The following NPC1 variants were observed in gnomAD, a reference collection of about 807,000 sequenced individuals.
The protein encoded by NPC1 is Niemann-Pick C1 protein.
In NPC1, 85 loss-of-function variants were observed where a neutral mutation model predicts 140.4. The ratio of observed to expected loss-of-function variants is 0.61; its 90% CI spans 0.51 to 0.72. NPC1 has a LOEUF of 0.72. Ranked by LOEUF, NPC1 falls within the 30% of genes least tolerant of loss-of-function variation. The pLI is 0.00. For missense variants in NPC1, 1,504 were observed against 1,623.8 expected (o/e 0.93, Z 1.27); for synonymous variants, 656 against 624.8 (o/e 1.05, Z -0.74).
chr18:23,516,099 G>GT, intron 3 of NPC1: 3 of 1,534,202 alleles, frequency 2.0e-6, no homozygotes, highest in Non-Finnish European at 2.7e-6. Context: ...TCCTCTAGCC[G>GT]TAACGTCACC....
intron 20 of NPC1, among the ~76,000 whole-genome samples, chr18:23,537,281 T>C (rs2058646397): frequency 6.6e-6 from 1 of 152,188 alleles, no homozygotes; most frequent in African/African-American, 2.4e-5. Context: ...CATGTTGGCC[T>C]GGCTAGTCTT....
intron 3 of NPC1, among the ~76,000 whole-genome samples, chr18:23,514,845 C>T (rs755294273): frequency 6.6e-6 from 1 of 152,164 alleles, no homozygotes; most frequent in African/African-American, 2.4e-5. Context: ...AAGCTTACGG[C>T]TCCTGCCCCT....
chr18:23,544,648 C>T, intron 12 of NPC1, 122 bp from the exon 13 acceptor site: 1 of 935,654 alleles, frequency 1.1e-6, no homozygotes, highest in Non-Finnish European at 1.7e-6. Context: ...ATGTACAATT[C>T]TGTGTTTCAG....
At chr18:23,575,451 C>G (rs2059261455) in intron 1 of NPC1, among the ~76,000 whole-genome samples, 1 of 152,030 alleles carries the variant, frequency 6.6e-6, no homozygotes, top group Admixed American at 6.5e-5. Context: ...GGGATCACAC[C>G]TGGAGCAGGT....
In NPC1 at chr18:23,544,946, C is replaced by CG. The variant is rs1555634643; in HGVS notation, c.1947+13_1947+14insC. The CG allele has an allele frequency of 3.8e-5, 51 of 1,329,706 alleles. 4 individuals carry two copies. In the Admixed American group the frequency reaches 4.7e-4, roughly 12 times the overall value. The allele number at this position is 1,329,706 out of a possible 1,614,324, so 82.4% of individuals were successfully genotyped here. The stretch of plus-strand genomic sequence containing the variant: ...GTTAACCTCTAGAACATACACCACC[C>CG]CCCCCCGGCTTACCAGAAGCCTGCG... On this transcript the variant is annotated intron_variant, in intron 12 of 24. Transcript: ENST00000269228.
chr18:23,506,482 C>T (rs1014522882), exon 4 of NPC1: 1 of 152,950 alleles, frequency 6.5e-6, no homozygotes, highest in Non-Finnish European at 1.5e-5. Flanking sequence ...GCTTCATCCT[C>T]TCACAGTGCT....
At chr18:23,553,842 C>CT (rs145846487) in intron 9 of NPC1, among the ~76,000 whole-genome samples, 2,056 of 152,322 alleles carry the variant, frequency 0.013, 41 homozygotes, top group African/African-American at 0.047. Context: ...AGGGAAGCAG[C>CT]TGCAGGGCCC....
chr18:23,510,615 C>T (rs2057828083), intron 3 of NPC1, among the ~76,000 whole-genome samples: 2 of 152,040 alleles, frequency 1.3e-5, no homozygotes, highest in South Asian at 4.1e-4. Context: ...CCACTGCACT[C>T]CAGCCTGGGC....
At chr18:23,556,695 G>A (rs1238413016) in intron 7 of NPC1, 82 bp from the exon 8 acceptor site, 3 of 1,572,432 alleles carry the variant, frequency 1.9e-6, no homozygotes, top group Admixed American at 3.7e-5. Flanking sequence ...AGCATTAGTT[G>A]CTATCTCATG....
intron 4 of NPC1, among the ~76,000 whole-genome samples, chr18:23,564,005 T>TTTG (rs1555639697): frequency 4.7e-5 from 7 of 147,930 alleles, no homozygotes; most frequent in African/African-American, 1.8e-4. Context: ...TTTTTTTTTT[T>TTTG]GGAGATGGAG....
chr18:23,541,124 A>C lies in NPC1; in HGVS notation c.2458T>G (p.Phe820Val). 1 of 1,614,232 alleles carries C rather than the reference A, an allele frequency of 6.2e-7. No individual in the cohort carries two copies. The highest frequency in any genetic ancestry group is 1.1e-5 in the South Asian group (1 of 91,086). The part of the protein sequence containing the change: ...VQASESCLFR[F>V]FKNSYSPLLL... ...AGTGGAGAATAGGAGTTTTTGAAGA[A>C]GCGAAACAAACAGCTCTCTGAGGCC... The change falls in exon 16 of 25, where the codon TTC (phenylalanine) becomes GTC (valine). Residue 820 changes from phenylalanine (F) to valine (V), a missense_variant. Physicochemically the swap from Phe to Val is conservative, Grantham distance 50 (BLOSUM62 -1). Transcript: ENST00000269228.
chr18:23,557,669 G>A (rs2058974612), intron 6 of NPC1, among the ~76,000 whole-genome samples: 1 of 152,180 alleles, frequency 6.6e-6, no homozygotes, highest in African/African-American at 2.4e-5. Flanking sequence ...TTGAACCAGG[G>A]AGGCGGTGGT....
At chr18:23,510,846 G>T (rs1466909969) in intron 3 of NPC1, among the ~76,000 whole-genome samples, 2 of 152,236 alleles carry the variant, frequency 1.3e-5, no homozygotes, top group Non-Finnish European at 2.9e-5. Flanking sequence ...CAAGGTTGTG[G>T]AGAAAAGGGA....
At chr18:23,565,962 G>C (rs142287422) in intron 4 of NPC1, among the ~76,000 whole-genome samples, 1 of 151,784 alleles carries the variant, frequency 6.6e-6, no homozygotes, top group South Asian at 2.1e-4. Context: ...TAATTCCCTC[G>C]TATCTTCCAG....
intron 3 of NPC1, 56 bp downstream of exon 3, chr18:23,572,018 T>C: frequency 9.7e-7 from 1 of 1,030,726 alleles, no homozygotes; most frequent in Non-Finnish European, 1.5e-6. Context: ...AAGCTGAGCA[T>C]TACCAGTTCA....
intron 10 of NPC1, among the ~76,000 whole-genome samples, chr18:23,549,151 A>C: frequency 6.6e-6 from 1 of 152,188 alleles, no homozygotes; most frequent in East Asian, 1.9e-4. Context: ...ATTTTGATAA[A>C]TTCTCCCAAA....
In NPC1 at chr18:23,548,032, G is replaced by C. The variant is rs2058813455; in HGVS notation, c.1731C>G (p.Leu577=). The change falls in exon 11 of 25, where the codon CTC becomes CTG. Residue 577 remains leucine (L), a synonymous_variant. Transcript: ENST00000269228. ...CTTTTTCCCAGGCCTGGGCCCTCTG[G>C]AGCTTCTCTGTATCATTATAGTAAT... ...VNNYYNDTEK[L]QRAQAWEKEF... 6.2e-7 allele frequency: 1 copy of C among 1,608,586 alleles called. No homozygotes were observed. Among genetic ancestry groups the C allele is most frequent in the African/African-American group, 1.3e-5 (1 of 74,800 alleles).
intron 13 of NPC1, 118 bp downstream of exon 13, chr18:23,544,226 C>A (rs984908347): frequency 5.8e-5 from 56 of 972,034 alleles, no homozygotes; most frequent in Non-Finnish European, 8.9e-5. Context: ...ATGAGCCACA[C>A]AGGGAAAGGA....
chr18:23,518,206 A>G (rs896612675), downstream of NPC1, among the ~76,000 whole-genome samples: 2 of 152,166 alleles, frequency 1.3e-5, no homozygotes, highest in Non-Finnish European at 2.9e-5. Flanking sequence ...TTAAATAGAA[A>G]AGGCTGAGCA....
Sources: gnomAD v4.1 joint callset for allele counts (sites outside exome capture counted in the v4.1 genomes callset) on GRCh38, gnomAD v4.1.1 for gene constraint, MANE v1.5 for transcripts, NCBI Gene and HGNC (gene_info 2026-07-23, HGNC 2026-07-21) for gene names.